EPHA8: variants seen among roughly 807,000 people sequenced by gnomAD.
EPHA8 encodes EPH receptor A8.
A neutral mutation model predicts 103.6 loss-of-function variants in EPHA8; 58 were observed. That is an observed-to-expected ratio of 0.56 (90% CI 0.45 to 0.70). The LOEUF (loss-of-function observed/expected upper bound fraction) is 0.70, where lower values mean the gene tolerates loss of function less well. Among genes scored for constraint, EPHA8 ranks in the 30% least tolerant of loss-of-function variants. The probability of loss-of-function intolerance (pLI) is 0.00; values close to 1 mark genes in which losing one functional copy is unlikely to be tolerated. For missense variants in EPHA8, 1,304 were observed against 1,395.2 expected (o/e 0.93, Z 1.04); for synonymous variants, 559 against 572.5 (o/e 0.98, Z 0.34).
In EPHA8 at chr1:22,597,312, C is replaced by T. The variant is rs761940802; in HGVS notation, c.1766C>T (p.Ala589Val). 7 of 1,598,388 alleles carry T rather than the reference C, an allele frequency of 4.4e-6. No individual in the cohort carries two copies. The highest frequency in any genetic ancestry group is 6.0e-6 in the Non-Finnish European group (7 of 1,170,232). Reference sequence around the variant, plus strand: ...TGAAGGCCCTCCTCCCGCCCCTCAGCACCCCCACCTGTCTTCCTGCCTCTG... The same window carrying T: ...TGAAGGCCCTCCTCCCGCCCCTCAGTACCCCCACCTGTCTTCCTGCCTCTG... ...EEKMHYQNGQAPPPVFLPLHH... is the reference protein window; with the variant it reads ...EEKMHYQNGQVPPPVFLPLHH... Residue 589 changes from alanine (A) to valine (V), a missense_variant and splice_region_variant, in exon 10 of 17, where the codon GCA becomes GTA. Ala to Val is a moderately conservative substitution (Grantham distance 64). Transcript: ENST00000166244. This position sits in a 1 kb window ranked among gnomAD's most constrained non-coding sequence, Gnocchi z 4.6.
At chr1:22,593,765 G>C (rs1641442640) in intron 7 of EPHA8, 79 bp downstream of exon 7, 1 of 1,423,142 alleles carries the variant, frequency 7.0e-7, no homozygotes, top group Non-Finnish European at 9.3e-7. Context: ...CGAGGAGAGA[G>C]CTAGTGCAGG....
In EPHA8 at chr1:22,588,893, C is replaced by A. The variant is rs117363297; in HGVS notation, c.1002C>A (p.Asn334Lys). ...ACTRPPSAPVNLISSVNGTSV... is the reference protein window; with the variant it reads ...ACTRPPSAPVKLISSVNGTSV... ...CAGGGCCACCCTCGGCACCAGTGAACCTGATCTCCAGTGTGAATGGGACAT... is the reference window on the plus strand; with the variant it reads ...CAGGGCCACCCTCGGCACCAGTGAAACTGATCTCCAGTGTGAATGGGACAT... The change falls in exon 5 of 17, where the codon AAC becomes AAA. Residue 334 changes from asparagine (N) to lysine (K), a missense_variant. Asn to Lys is a moderately conservative substitution (Grantham distance 94, BLOSUM62 0). Coordinates refer to ENST00000166244, the MANE Select transcript of EPHA8 (RefSeq NM_020526.5). The A allele has an allele frequency of 2.3e-5, 36 of 1,596,860 alleles. No individual in the cohort carries two copies. The East Asian group carries it at 8.1e-4, about 36-fold the overall frequency.
chr1:22,580,886 C>G (rs1641026143), intron 3 of EPHA8, among the ~76,000 whole-genome samples: 1 of 152,238 alleles, frequency 6.6e-6, no homozygotes, highest in Admixed American at 6.5e-5. Flanking sequence ...TCTCCCTAGC[C>G]TGCCCCAGGC....
At chr1:22,564,399 C>A (rs569784009) in intron 1 of EPHA8, among the ~76,000 whole-genome samples, 98 of 148,086 alleles carry the variant, frequency 6.6e-4, no homozygotes, top group Non-Finnish European at 2.1e-4. Context: ...GGAGAGGCAG[C>A]TTCGTGGGCA....
intron 2 of EPHA8, among the ~76,000 whole-genome samples, chr1:22,572,328 G>A (rs188542542): frequency 2.4e-4 from 36 of 152,354 alleles, no homozygotes; most frequent in African/African-American, 7.5e-4. Flanking sequence ...CATTTATAAC[G>A]TGGGGACAAT....
At chr1:22,599,338 AC>A (rs999200329) in intron 13 of EPHA8, among the ~76,000 whole-genome samples, 1 of 152,116 alleles carries the variant, frequency 6.6e-6, no homozygotes, top group African/African-American at 2.4e-5. Context: ...CCCGAATTGT[AC>A]CCAGACTCCA....
intron 2 of EPHA8, among the ~76,000 whole-genome samples, chr1:22,573,651 A>ACCC (rs1341169943): frequency 2.0e-5 from 3 of 151,912 alleles, no homozygotes; most frequent in Non-Finnish European, 4.4e-5. Context: ...CCAGAGACCA[A>ACCC]CCCCTCCCTC....
intron 4 of EPHA8, among the ~76,000 whole-genome samples, chr1:22,588,636 T>C (rs1366394068): frequency 3.1e-5 from 3 of 96,362 alleles, no homozygotes; most frequent in Non-Finnish European, 4.2e-5. Flanking sequence ...GTGGGGGGGA[T>C]GGGGTCCCAG....
rs1570030632 is a variant in EPHA8 at position 22,597,928 on chromosome 1, A to C, written c.2116+67A>C. ...CCTGCCTGGAGAGGCCTCTGGGTCC[A>C]TCCCCTCATCCATCCTGCTCTGCCC... On this transcript the variant is annotated intron_variant, in intron 11 of 16. Transcript: ENST00000166244. This position sits in a 1 kb window ranked among gnomAD's most constrained non-coding sequence, Gnocchi z 4.6. 6.4e-7 allele frequency: 1 copy of C among 1,552,600 alleles called. No homozygotes were observed. The highest frequency in any genetic ancestry group is 1.4e-5 in the African/African-American group (1 of 73,510).
At position 22,589,318 on chromosome 1, in the gene EPHA8, T is replaced by G. The variant is rs769286675; in HGVS notation, c.1315+112T>G. ...GACGTGCTGTGGGCCTTTAGGCAAG[T>G]GCCTCTCTGGCCCTGCGCTCCTCAC... On this transcript the variant is annotated intron_variant, in intron 5 of 16. Coordinates refer to ENST00000166244, the MANE Select transcript of EPHA8 (RefSeq NM_020526.5). This position sits in a 1 kb window ranked among gnomAD's most constrained non-coding sequence, Gnocchi z 4.3. 27 of 1,610,716 alleles carry G rather than the reference T, an allele frequency of 1.7e-5. No homozygotes were observed. Among genetic ancestry groups the G allele is most frequent in the Non-Finnish European group, 2.0e-5 (24 of 1,179,326 alleles).
chr1:22,569,972 C>T lies in EPHA8; in HGVS notation c.159+619C>T, dbSNP rs1236371831. ...CCGCGAGCCTGGTGAGATCCCAGCT[C>T]TGCCCTTGACAAGCAGGTGGACTTG... On this transcript the variant is annotated intron_variant, in intron 2 of 16. Coordinates refer to ENST00000166244, the MANE Select transcript of EPHA8 (RefSeq NM_020526.5). The surrounding 1 kb of genome is among the most constrained non-coding windows in gnomAD (Gnocchi z 4.5). Among the ~76,000 whole-genome samples, 6 of 152,162 alleles carry T rather than the reference C, an allele frequency of 3.9e-5. No individual in the cohort carries two copies. The highest frequency in any genetic ancestry group is 3.9e-4 in the Admixed American group (6 of 15,286).
At chr1:22,591,992 T>A (rs562796773) in intron 5 of EPHA8, among the ~76,000 whole-genome samples, 11 of 152,190 alleles carry the variant, frequency 7.2e-5, no homozygotes, top group Non-Finnish European at 1.2e-4. Flanking sequence ...GGACAGAAGC[T>A]CCTAGAGGGA....
intron 2 of EPHA8, among the ~76,000 whole-genome samples, chr1:22,570,327 C>CGTGTGCGTGT (rs1425405189): frequency 1.7e-5 from 2 of 118,790 alleles, no homozygotes; most frequent in African/African-American, 8.3e-5. Context: ...CACATGCACA[C>CGTGTGCGTGT]ACGCACATGC....
chr1:22,579,186 T>C (rs964575232), intron 3 of EPHA8, among the ~76,000 whole-genome samples: 17 of 151,148 alleles, frequency 1.1e-4, no homozygotes, highest in African/African-American at 3.9e-4. Context: ...CATGTGTGCG[T>C]GAATATATGT....
In EPHA8 at chr1:22,586,542, C is replaced by T. The variant is rs748953848; in HGVS notation, c.886C>T (p.His296Tyr). Reference protein sequence around the residue: ...GDQLCARCPPHSHSAAPAAQA... With the variant: ...GDQLCARCPPYSHSAAPAAQA... The stretch of plus-strand genomic sequence containing the variant: ...CCAGCTGTGTGCCCGCTGCCCTCCC[C>T]ACAGCCACTCCGCAGCTCCAGCCGC... Residue 296 changes from histidine to tyrosine, a missense_variant, in exon 4 of 17, where the codon CAC (histidine) becomes TAC (tyrosine). By Grantham distance (83) the His-to-Tyr change is moderately conservative. Transcript: ENST00000166244. The T allele has an allele frequency of 3.7e-6, 6 of 1,613,746 alleles. No individual in the cohort carries two copies. The highest frequency in any genetic ancestry group is 2.7e-5 in the African/African-American group (2 of 74,920).
At position 22,603,513 on chromosome 1, in the gene EPHA8, G is replaced by C. The variant is rs528889873; in HGVS notation, c.*1772G>C. On this transcript the variant is annotated 3_prime_UTR_variant, in exon 17 of 17. Transcript: ENST00000166244. ...CACTCTAGTGTGTGGTCCCTCTCAG[G>C]GTCCTGGGGATCTGCCTCTCTGTGG... is the stretch of plus-strand genomic sequence containing the variant. The C allele has an allele frequency of 6.6e-6, 1 of 152,294 alleles. No individual in the cohort carries two copies. Among genetic ancestry groups the C allele is most frequent in the African/African-American group, 2.4e-5 (1 of 41,398 alleles). 9.4% of individuals were successfully genotyped at this position (152,294 alleles called of 1,614,324 possible). A position where few individuals can be genotyped will look rare whatever the true frequency, so the allele number is the denominator to read the frequency against.
intron 7 of EPHA8, among the ~76,000 whole-genome samples, chr1:22,594,761 C>T (rs1409016478): frequency 6.6e-6 from 1 of 152,194 alleles, no homozygotes; most frequent in African/African-American, 2.4e-5. Context: ...ATCCCATGTA[C>T]TGTGTGGCCT....
Position 22,602,496 on chromosome 1 carries a change from T to C in EPHA8, c.*755T>C, listed in dbSNP as rs1275831594. 1 of 152,992 alleles carries C rather than the reference T, an allele frequency of 6.5e-6. No individual in the cohort carries two copies. Among genetic ancestry groups the C allele is most frequent in the Non-Finnish European group, 1.5e-5 (1 of 68,352 alleles). The allele number at this position is 152,992 out of a possible 1,614,324, so 9.5% of individuals were successfully genotyped here. A position where few individuals can be genotyped will look rare whatever the true frequency, so the allele number is the denominator to read the frequency against. On this transcript the variant is annotated 3_prime_UTR_variant, in exon 17 of 17. Transcript: ENST00000166244. ...CCGCTGCTTCAACAGGAAAACAGGG[T>C]TCCCGGTCAGTCCGGCTGGCCGCCT...
In EPHA8 at chr1:22,593,687, G is replaced by A. The variant is rs1164694959; in HGVS notation, c.1603+1G>A. ...ATGGAGGTGGAGACCGGGAAACCCC[G>A]TGAGTGCAGGGAGGGGGCGTGGGCG... On this transcript the variant is annotated splice_donor_variant, in intron 7 of 16. Coordinates refer to ENST00000166244, the MANE Select transcript of EPHA8 (RefSeq NM_020526.5). LOFTEE classifies it high-confidence loss of function. The A allele has an allele frequency of 4.4e-6, 7 of 1,589,586 alleles. No individual in the cohort carries two copies. The highest frequency in any genetic ancestry group is 2.3e-5 in the East Asian group (1 of 43,908).
Sources: allele counts gnomAD v4.1 joint callset (sites outside exome capture counted in the v4.1 genomes callset), GRCh38; gene constraint gnomAD v4.1.1; non-coding constraint Gnocchi (gnomAD v3.1); transcripts MANE v1.5; gene names NCBI Gene and HGNC (gene_info 2026-07-23, HGNC 2026-07-21).